KRT8: variants seen among roughly 807,000 people sequenced by gnomAD.
The protein encoded by KRT8 is keratin, type II cytoskeletal 8.
In KRT8, 24 loss-of-function variants were observed where a neutral mutation model predicts 43.0. The ratio of observed to expected loss-of-function variants is 0.56; its 90% CI spans 0.40 to 0.78. The LOEUF is 0.78. Among genes scored for constraint, KRT8 ranks in the 30% least tolerant of loss-of-function variants. KRT8 has a pLI of 0.00. For missense variants in KRT8, 492 were observed against 638.4 expected, an observed-to-expected ratio of 0.77 and a Z score of 2.47; for synonymous variants, 214 against 261.2, an observed-to-expected ratio of 0.82 and a Z score of 1.74.
Position 52,941,154 on chromosome 12 carries a change from C to A in KRT8, c.-47+8302G>T, listed in dbSNP as rs963607207. Among the ~76,000 whole-genome samples the A allele has an allele frequency of 3.3e-5, 5 of 151,606 alleles. No homozygotes were observed. In the South Asian group the frequency reaches 1.0e-3, roughly 32 times the overall value. On this transcript the variant is annotated intron_variant, in intron 2 of 6. Transcript: ENST00000546826. ...CGATCTTGGCTCACCACAACCTCCG[C>A]CTCCTGGGTTCAAGCGAATCTCCTG...
At chr12:52,907,851 C>T (rs912766139), upstream of KRT8, among the ~76,000 whole-genome samples, 1 of 152,182 alleles carries the variant, frequency 6.6e-6, no homozygotes, top group African/African-American at 2.4e-5. Context: ...AGGAGAAGGC[C>T]CCTGGGACTA....
At chr12:52,901,291 G>A in intron 2 of KRT8, 72 bp from the exon 3 acceptor site, 1 of 1,079,304 alleles carries the variant, frequency 9.3e-7, no homozygotes, top group South Asian at 1.2e-5. Flanking sequence ...TGGGAGACAG[G>A]GGCGTTGTGA....
chr12:52,900,894 C>T (rs778169692), intron 3 of KRT8: 15 of 636,894 alleles, frequency 2.4e-5, no homozygotes, highest in Non-Finnish European at 4.0e-5. Context: ...TCTTCCACCT[C>T]CTTCTCTAGG....
intron 2 of KRT8, chr12:52,949,334 T>G (rs1429253751): frequency 6.2e-7 from 1 of 1,608,218 alleles, no homozygotes; most frequent in Non-Finnish European, 8.5e-7. Context: ...TCCACCAGCT[T>G]CAGGGGCGGC....
intron 2 of KRT8, chr12:52,926,517 T>C (rs1941995605): frequency 1.3e-6 from 2 of 1,500,100 alleles, no homozygotes; most frequent in Non-Finnish European, 9.0e-7. Flanking sequence ...CCCAGTCACC[T>C]CTGCCGGAAG....
chr12:52,926,336 TCCCCA>T (rs1941991057), intron 2 of KRT8: 6 of 388,764 alleles, frequency 1.5e-5, no homozygotes, highest in Non-Finnish European at 2.4e-5. Flanking sequence ...CTAGCTGCCC[TCCCCA>T]CCCCACCCCC....
intron 2 of KRT8, among the ~76,000 whole-genome samples, chr12:52,917,988 G>A (rs1941778570): frequency 1.4e-5 from 2 of 147,044 alleles, no homozygotes; most frequent in African/African-American, 2.5e-5. Flanking sequence ...AGAAGAAGAA[G>A]AAGGAGAGGA....
intron 2 of KRT8, among the ~76,000 whole-genome samples, chr12:52,924,028 G>A (rs553961274): frequency 6.6e-6 from 1 of 151,856 alleles, no homozygotes; most frequent in African/African-American, 2.4e-5. Flanking sequence ...TATTTTTTCA[G>A]TAGAGACGGG....
intron 2 of KRT8, among the ~76,000 whole-genome samples, chr12:52,929,629 A>G (rs955088802): frequency 6.6e-6 from 1 of 150,990 alleles, no homozygotes; most frequent in Non-Finnish European, 1.5e-5. Context: ...GTAATCATTA[A>G]TCTTCTTGGT....
chr12:52,902,631 G>A (rs1412448087), intron 1 of KRT8, among the ~76,000 whole-genome samples: 1 of 152,022 alleles, frequency 6.6e-6, no homozygotes, highest in Non-Finnish European at 1.5e-5. Flanking sequence ...CTTGTGATTG[G>A]CCCGCCTTGG....
upstream of KRT8, among the ~76,000 whole-genome samples, chr12:52,910,845 G>T (rs936135318): frequency 4.6e-5 from 7 of 152,316 alleles, no homozygotes; most frequent in African/African-American, 1.4e-4. Flanking sequence ...TGATTTTCCT[G>T]CTGGGCAACC....
rs142987076 is a variant in KRT8, at chr12:52,932,373, C to G, written c.-47+17083G>C. On this transcript the variant is annotated intron_variant, in intron 2 of 6. Transcript: ENST00000546826. The stretch of plus-strand genomic sequence containing the variant: ...AAGTGCTGGGATTACAGGTGTGAGC[C>G]ACCGCGCCTGGCAAATCATTCTTAA... Among the ~76,000 whole-genome samples the G allele has an allele frequency of 4.9e-3, 753 of 152,232 alleles. 7 individuals carry two copies. Among genetic ancestry groups the G allele is most frequent in the African/African-American group, 0.018 (732 of 41,530 alleles).
chr12:52,922,375 A>G (rs1278131797), intron 2 of KRT8, among the ~76,000 whole-genome samples: 2 of 151,904 alleles, frequency 1.3e-5, no homozygotes, highest in Non-Finnish European at 2.9e-5. Flanking sequence ...ATTCCTCACA[A>G]TTAAATCTAT....
chr12:52,908,570 T>C (rs1941570295), upstream of KRT8, among the ~76,000 whole-genome samples: 1 of 152,222 alleles, frequency 6.6e-6, no homozygotes. Context: ...TCAGGTACCC[T>C]ATGATTCCAT....
intron 1 of KRT8, among the ~76,000 whole-genome samples, chr12:52,903,858 GCCCAC>G (rs557895911): frequency 0.13 from 7,773 of 59,234 alleles, 246 homozygotes; most frequent in Non-Finnish European, 0.18. Flanking sequence ...CCCCACCCCA[GCCCAC>G]CCCACCCCAC....
chr12:52,942,921 A>G (rs957518972), intron 2 of KRT8, among the ~76,000 whole-genome samples: 1 of 151,932 alleles, frequency 6.6e-6, no homozygotes, highest in Non-Finnish European at 1.5e-5. Flanking sequence ...GAGCCTAGAG[A>G]GGTTACACAC....
At chr12:52,900,602 G>C in exon 4 of KRT8, 2 of 1,609,694 alleles carry the variant, frequency 1.2e-6, no homozygotes, top group African/African-American at 1.3e-5. Flanking sequence ...TCATATAGCT[G>C]CCTGAGGAAG....
At chr12:52,901,704 T>C (rs1941373984) in intron 2 of KRT8, 160 bp downstream of exon 2, 1 of 656,526 alleles carries the variant, frequency 1.5e-6, no homozygotes, top group Non-Finnish European at 2.8e-6. Flanking sequence ...AACCTGGGCA[T>C]AAACACAGAC....
chr12:52,912,748 C>T (rs1941660297), intron 2 of KRT8, among the ~76,000 whole-genome samples: 1 of 152,204 alleles, frequency 6.6e-6, no homozygotes, highest in Non-Finnish European at 1.5e-5. Context: ...ATGGCCATGG[C>T]CTCCATGAAA....
Sources: allele counts gnomAD v4.1 joint callset (sites outside exome capture counted in the v4.1 genomes callset), GRCh38; gene constraint gnomAD v4.1.1; transcripts MANE v1.5; gene names NCBI Gene and HGNC (gene_info 2026-07-23, HGNC 2026-07-21).